The following CACNG4 variants were observed in gnomAD, a reference collection of about 807,000 sequenced individuals.
The protein encoded by CACNG4 is calcium voltage-gated channel auxiliary subunit gamma 4.
A neutral mutation model predicts 22.9 loss-of-function variants in CACNG4; 8 were observed. That is an observed-to-expected ratio of 0.35 (90% CI 0.21 to 0.63). The LOEUF (loss-of-function observed/expected upper bound fraction) is 0.63. CACNG4 is among the 30% of genes least tolerant of loss of function. The probability of loss-of-function intolerance (pLI) is 0.72; values close to 1 mark genes in which losing one functional copy is unlikely to be tolerated. For synonymous variants in CACNG4, 188 were observed against 191.9 expected (o/e 0.98, Z 0.17); for missense variants, 357 against 455.4 (o/e 0.78, Z 1.97).
intron 1 of CACNG4, among the ~76,000 whole-genome samples, chr17:66,969,105 T>C (rs937832415): frequency 6.6e-6 from 1 of 152,106 alleles, no homozygotes; most frequent in African/African-American, 2.4e-5. Flanking sequence ...TGGAATTCAG[T>C]GGGTACAGAA....
chr17:67,015,057 T>C (rs1347117479), intron 1 of CACNG4, among the ~76,000 whole-genome samples: 3 of 151,934 alleles, frequency 2.0e-5, no homozygotes, highest in African/African-American at 7.3e-5. Flanking sequence ...TCTCATTCAC[T>C]CTCCACGGGG....
intron 2 of CACNG4, among the ~76,000 whole-genome samples, chr17:67,019,267 A>G (rs1013667076): frequency 6.6e-6 from 1 of 152,150 alleles, no homozygotes; most frequent in African/African-American, 2.4e-5. Flanking sequence ...CGGTTCCCAT[A>G]GAGCCTGGGG....
At chr17:66,979,991 T>G (rs910268911) in intron 1 of CACNG4, among the ~76,000 whole-genome samples, 15 of 152,172 alleles carry the variant, frequency 9.9e-5, no homozygotes, top group African/African-American at 3.6e-4. Context: ...CCTGACCTCG[T>G]GATCTGCCCA....
At position 66,965,554 on chromosome 17, in the gene CACNG4, G is replaced by T. The variant is rs557633537; in HGVS notation, c.220+423G>T. On this transcript the variant is annotated intron_variant, in intron 1 of 3. Coordinates refer to ENST00000262138, the MANE Select transcript of CACNG4 (RefSeq NM_014405.4). ...GGCGGGAGGAGGCTGGGGTTGGGGG[G>T]AGCGGACGGGAGGGGGGGAGGGGTT... Among the ~76,000 whole-genome samples the T allele has an allele frequency of 4.8e-5, 7 of 144,990 alleles. No individual in the cohort carries two copies. The East Asian group carries it at 1.3e-3, about 28-fold the overall frequency.
chr17:67,010,161 A>G (rs975812384), intron 1 of CACNG4, among the ~76,000 whole-genome samples: 1 of 152,120 alleles, frequency 6.6e-6, no homozygotes, highest in African/African-American at 2.4e-5. Flanking sequence ...TCCCCAGCCA[A>G]GCTCTGCCTT....
At chr17:66,971,399 G>A (rs764289539) in intron 1 of CACNG4, among the ~76,000 whole-genome samples, 8 of 152,146 alleles carry the variant, frequency 5.3e-5, no homozygotes, top group Non-Finnish European at 1.0e-4. Flanking sequence ...CCTGCTGGGT[G>A]TGCTGCTGTT....
chr17:67,000,265 G>A (rs570069613), intron 1 of CACNG4, among the ~76,000 whole-genome samples: 3 of 152,154 alleles, frequency 2.0e-5, no homozygotes, highest in South Asian at 4.2e-4. Flanking sequence ...CTTAACTCAC[G>A]ATGACTGTTG....
intron 1 of CACNG4, among the ~76,000 whole-genome samples, chr17:66,971,906 T>G (rs72846231): frequency 0.012 from 1,761 of 152,234 alleles, 41 homozygotes; most frequent in African/African-American, 0.04. Context: ...ATCTGGTTTA[T>G]GTTTTTAGCA....
chr17:66,983,756 G>T (rs1270629395), intron 1 of CACNG4, among the ~76,000 whole-genome samples: 2 of 152,214 alleles, frequency 1.3e-5, no homozygotes, highest in Non-Finnish European at 2.9e-5. Flanking sequence ...CCCATGTTTT[G>T]CAGGGGCTGC....
Position 67,032,098 on chromosome 17 carries a change from G to A in CACNG4, c.*1094G>A, listed in dbSNP as rs1438304017. On this transcript the variant is annotated 3_prime_UTR_variant, in exon 4 of 4. Coordinates refer to ENST00000262138, the MANE Select transcript of CACNG4 (RefSeq NM_014405.4). ...TTTGTCTTAAAAAGTAGCAGCAACT[G>A]GCCCCACAACTCCTGTCATTGTAAG... 4 of 411,610 alleles carry A rather than the reference G, an allele frequency of 9.7e-6. No individual in the cohort carries two copies. Among genetic ancestry groups the A allele is most frequent in the African/African-American group, 2.1e-5 (1 of 48,578 alleles). The allele number at this position is 411,610 out of a possible 1,614,324, so 25.5% of individuals were successfully genotyped here.
intron 1 of CACNG4, among the ~76,000 whole-genome samples, chr17:66,978,319 C>T (rs1190013809): frequency 1.3e-5 from 2 of 152,092 alleles, no homozygotes; most frequent in Non-Finnish European, 2.9e-5. Context: ...TTGGAGCTGG[C>T]ATAACATGTG....
intron 1 of CACNG4, among the ~76,000 whole-genome samples, chr17:66,981,573 G>A (rs768195724): frequency 1.3e-5 from 2 of 152,178 alleles, no homozygotes; most frequent in Non-Finnish European, 2.9e-5. Flanking sequence ...TGGGGGTGCT[G>A]GGGCCGAGAG....
chr17:66,995,633 T>C (rs556662776), intron 1 of CACNG4, among the ~76,000 whole-genome samples: 62 of 152,176 alleles, frequency 4.1e-4, no homozygotes, highest in Admixed American at 2.0e-3. Context: ...AGGCAGATCA[T>C]GAGGTCAGGA....
At chr17:67,028,570 A>G (rs2035582759) in intron 3 of CACNG4, among the ~76,000 whole-genome samples, 1 of 151,980 alleles carries the variant, frequency 6.6e-6, no homozygotes, top group South Asian at 2.1e-4. Flanking sequence ...AAAAACAAAA[A>G]CAGAAAAAAA....
intron 1 of CACNG4, among the ~76,000 whole-genome samples, chr17:66,987,661 C>G (rs1476621615): frequency 6.6e-6 from 1 of 152,074 alleles, no homozygotes; most frequent in Non-Finnish European, 1.5e-5. Context: ...GAGGGGCTTT[C>G]CAGAAGTAAC....
intron 2 of CACNG4, among the ~76,000 whole-genome samples, chr17:67,021,000 T>A (rs2035528236): frequency 6.6e-6 from 1 of 152,056 alleles, no homozygotes; most frequent in Admixed American, 6.5e-5. Context: ...GGTTAGGAGT[T>A]CCAGCTTGGT....
chr17:67,030,880 C>T lies in CACNG4; in HGVS notation c.860C>T (p.Thr287Ile). 1 of 1,612,768 alleles carries T rather than the reference C, an allele frequency of 6.2e-7. No individual in the cohort carries two copies. The change falls in exon 4 of 4, where the codon ACC (threonine) becomes ATC (isoleucine). Residue 287 changes from threonine to isoleucine, a missense_variant. Physicochemically the swap from Thr to Ile is moderately conservative, Grantham distance 89. This residue lies in a region of CACNG4 where 240 missense variants were observed against 277.6 expected (regional missense o/e 0.86). Coordinates refer to ENST00000262138, the MANE Select transcript of CACNG4 (RefSeq NM_014405.4). The surrounding 1 kb of genome is among the most constrained non-coding windows in gnomAD (Gnocchi z 6.4). The stretch of plus-strand genomic sequence containing the variant: ...CTGTCCAGGGAGCCCCTCAAGGTGA[C>T]CACCGCAGCCAGCTACAGCCCCGAC... ...YTLSREPLKV[T>I]TAASYSPDQE...
chr17:66,981,227 G>A (rs770813108), intron 1 of CACNG4, among the ~76,000 whole-genome samples: 2 of 152,174 alleles, frequency 1.3e-5, no homozygotes, highest in African/African-American at 2.4e-5. Flanking sequence ...TATGGAAGGA[G>A]ATGCTGATCA....
chr17:66,997,767 A>G (rs1171774370), intron 1 of CACNG4, among the ~76,000 whole-genome samples: 1 of 152,164 alleles, frequency 6.6e-6, no homozygotes, highest in African/African-American at 2.4e-5. Context: ...CAGTGAGCCA[A>G]GAGTACGCCA....
Sources: allele counts gnomAD v4.1 joint callset (sites outside exome capture counted in the v4.1 genomes callset), GRCh38; gene constraint gnomAD v4.1.1; regional missense constraint gnomAD v4.1.1; non-coding constraint Gnocchi (gnomAD v3.1); transcripts MANE v1.5; gene names NCBI Gene and HGNC (gene_info 2026-07-23, HGNC 2026-07-21).